The following CNOT10 variants were observed in gnomAD, a reference collection of about 807,000 sequenced individuals.
The protein encoded by CNOT10 is CCR4-NOT transcription complex, subunit 10.
CNOT10 carries 30 observed loss-of-function variants against 94.6 expected under a neutral mutation model. The ratio of observed to expected loss-of-function variants is 0.32; its 90% CI spans 0.24 to 0.43. CNOT10 has a LOEUF of 0.43. CNOT10 is among the 20% of genes least tolerant of loss of function. The probability of loss-of-function intolerance (pLI) is 1.00; values close to 1 mark genes in which losing one functional copy is unlikely to be tolerated. For synonymous variants in CNOT10, 289 were observed against 301.6 expected, an observed-to-expected ratio of 0.96 and a Z score of 0.43; for missense variants, 759 against 877.2, an observed-to-expected ratio of 0.87 and a Z score of 1.70.
intron 1 of CNOT10, among the ~76,000 whole-genome samples, chr3:32,703,584 G>T (rs1697472346): frequency 6.6e-6 from 1 of 152,180 alleles, no homozygotes; most frequent in South Asian, 2.1e-4. Context: ...TGGCTACTGT[G>T]TGTCCAAGGG....
chr3:32,735,304 C>T (rs185275157), intron 12 of CNOT10, among the ~76,000 whole-genome samples: 1 of 150,298 alleles, frequency 6.7e-6, no homozygotes, highest in South Asian at 2.1e-4. Context: ...GAGATTGTGC[C>T]ACTGCACTCC....
chr3:32,747,201 A>C (rs539926981), intron 13 of CNOT10, among the ~76,000 whole-genome samples: 57 of 152,158 alleles, frequency 3.7e-4, no homozygotes, highest in African/African-American at 1.3e-3. Context: ...GGATCACCTG[A>C]GGTCAAGAGT....
chr3:32,747,578 A>C (rs1699755148), intron 13 of CNOT10, among the ~76,000 whole-genome samples: 1 of 151,606 alleles, frequency 6.6e-6, no homozygotes. Flanking sequence ...AAAAATCTGT[A>C]CCACAAACTT....
In CNOT10 at chr3:32,727,751, C is replaced by T; in HGVS notation, c.1096C>T (p.Leu366Phe). 1 of 1,614,016 alleles carries T rather than the reference C, an allele frequency of 6.2e-7. No individual in the cohort carries two copies. Among genetic ancestry groups the T allele is most frequent in the Middle Eastern group, 1.6e-4 (1 of 6,062 alleles). Residue 366 changes from leucine to phenylalanine, a missense_variant, in exon 10 of 19, where the codon CTT becomes TTT. Leu to Phe is a conservative substitution (Grantham distance 22, BLOSUM62 0). Coordinates refer to ENST00000328834, the MANE Select transcript of CNOT10 (RefSeq NM_015442.3). ...GCTGTATAACTGTGGAATTCAGCTT[C>T]TTCACATTGGAAGGCCTCTTGCTGC... is the stretch of plus-strand genomic sequence containing the variant. ...ELLYNCGIQL[L>F]HIGRPLAAFE...
chr3:32,699,093 G>A (rs1308050787), intron 1 of CNOT10, among the ~76,000 whole-genome samples: 1 of 152,148 alleles, frequency 6.6e-6, no homozygotes, highest in Admixed American at 6.5e-5. Flanking sequence ...GCCAACAACT[G>A]GTTCTTTGAG....
At chr3:32,695,831 A>C (rs1697025884) in intron 1 of CNOT10, 4 of 1,532,258 alleles carry the variant, frequency 2.6e-6, no homozygotes, top group African/African-American at 2.7e-5. Flanking sequence ...CTGTCTGGTA[A>C]GAAGTCAGTA....
At chr3:32,753,352 G>GC in intron 13 of CNOT10, 4 of 1,253,260 alleles carry the variant, frequency 3.2e-6, no homozygotes, top group Non-Finnish European at 4.7e-6. Context: ...AAACAGAATC[G>GC]CAAGTAGTCA....
intron 13 of CNOT10, 22 bp downstream of exon 13, chr3:32,737,512 G>A (rs780145295): frequency 4.2e-6 from 6 of 1,434,254 alleles, no homozygotes; most frequent in Non-Finnish European, 2.9e-6. Flanking sequence ...AACAAAATTA[G>A]CATTGCATCT....
At chr3:32,703,096 T>TC (rs1161319110) in intron 1 of CNOT10, among the ~76,000 whole-genome samples, 5 of 149,888 alleles carry the variant, frequency 3.3e-5, no homozygotes, top group African/African-American at 1.2e-4. Context: ...TTTTTTTTTT[T>TC]TGTATTTTTA....
chr3:32,696,310 C>T (rs1008479470), intron 1 of CNOT10, among the ~76,000 whole-genome samples: 37 of 149,752 alleles, frequency 2.5e-4, no homozygotes, highest in African/African-American at 5.4e-4. Flanking sequence ...AGTGAGACTC[C>T]GTCTCAAAAA....
At chr3:32,746,435 C>T (rs1699703457) in intron 13 of CNOT10, among the ~76,000 whole-genome samples, 1 of 152,170 alleles carries the variant, frequency 6.6e-6, no homozygotes, top group Non-Finnish European at 1.5e-5. Flanking sequence ...TTTCCTACAA[C>T]TAGATGGTCC....
chr3:32,695,871 TAAAA>T (rs1027351521), intron 1 of CNOT10: 13 of 1,446,470 alleles, frequency 9.0e-6, no homozygotes, highest in South Asian at 1.3e-5. Context: ...TTTAAAACAT[TAAAA>T]AAACTGATTA....
At chr3:32,738,666 G>C (rs1013140674) in intron 13 of CNOT10, among the ~76,000 whole-genome samples, 3 of 151,900 alleles carry the variant, frequency 2.0e-5, no homozygotes, top group African/African-American at 7.3e-5. Context: ...GTTTCACCGT[G>C]TTAGCCAGGA....
At chr3:32,744,986 C>T (rs1464245221) in intron 13 of CNOT10, among the ~76,000 whole-genome samples, 1 of 152,176 alleles carries the variant, frequency 6.6e-6, no homozygotes, top group Non-Finnish European at 1.5e-5. Context: ...TCAAGTGATT[C>T]TCCTGCTTCT....
chr3:32,719,555 A>G (rs1372506551), intron 7 of CNOT10, among the ~76,000 whole-genome samples: 1 of 152,234 alleles, frequency 6.6e-6, no homozygotes, highest in Non-Finnish European at 1.5e-5. Context: ...TCTTAGGAGA[A>G]GTGAAAGGTG....
intron 10 of CNOT10, among the ~76,000 whole-genome samples, chr3:32,729,412 C>A (rs1698835760): frequency 6.6e-6 from 1 of 152,140 alleles, no homozygotes; most frequent in Non-Finnish European, 1.5e-5. Flanking sequence ...CTACCCCATG[C>A]CCTGCCCTTG....
chr3:32,771,483 C>T lies in CNOT10; in HGVS notation c.2080+1521C>T, dbSNP rs1212011414. Among the ~76,000 whole-genome samples, 7 of 152,142 alleles carry T rather than the reference C, an allele frequency of 4.6e-5. No homozygotes were observed. The East Asian group carries it at 1.4e-3, about 29-fold the overall frequency. On this transcript the variant is annotated intron_variant, in intron 18 of 18. Transcript: ENST00000328834. ...AGGCGTGGTGGCGCATGCCTGTAAT[C>T]CAGGTACTTAGGAGGCTGAAGCAGG... is the stretch of plus-strand genomic sequence containing the variant.
intron 14 of CNOT10, among the ~76,000 whole-genome samples, chr3:32,759,947 C>A (rs1454781972): frequency 6.6e-6 from 1 of 152,078 alleles, no homozygotes; most frequent in South Asian, 2.1e-4. Context: ...CTTTGGGAGG[C>A]CGAGGCAGGC....
At chr3:32,765,584 G>T (rs1390052858) in intron 17 of CNOT10, among the ~76,000 whole-genome samples, 1 of 50,796 alleles carries the variant, frequency 2.0e-5, no homozygotes, top group Non-Finnish European at 4.4e-5. Context: ...AGCCTGGGAG[G>T]TTGAGGCTGT....
Sources: gnomAD v4.1 joint callset for allele counts (sites outside exome capture counted in the v4.1 genomes callset) on GRCh38, gnomAD v4.1.1 for gene constraint, MANE v1.5 for transcripts, NCBI Gene and HGNC (gene_info 2026-07-23, HGNC 2026-07-21) for gene names.